SLC27A6: variants seen among roughly 807,000 people sequenced by gnomAD.
SLC27A6 encodes the protein long-chain fatty acid transport protein 6.
In SLC27A6, 74 loss-of-function variants were observed where a neutral mutation model predicts 63.9. That is an observed-to-expected ratio of 1.16 (90% CI 0.96 to 1.40). The LOEUF is 1.40. SLC27A6 is among the 40% of genes most tolerant of loss of function. The probability of loss-of-function intolerance (pLI) is 0.00; values close to 1 mark genes in which losing one functional copy is unlikely to be tolerated. For synonymous variants in SLC27A6, 287 were observed against 260.8 expected, an observed-to-expected ratio of 1.10 and a Z score of -0.97; for missense variants, 794 against 732.9, an observed-to-expected ratio of 1.08 and a Z score of -0.96.
chr5:129,005,977 T>C (rs1169120766), intron 4 of SLC27A6, among the ~76,000 whole-genome samples: 1 of 151,668 alleles, frequency 6.6e-6, no homozygotes, highest in African/African-American at 2.4e-5. Flanking sequence ...ATTGGGCCCC[T>C]GCAGGCTGTA....
intron 5 of SLC27A6, among the ~76,000 whole-genome samples, chr5:129,016,487 CTT>C (rs1313809690): frequency 5.0e-5 from 7 of 139,294 alleles, no homozygotes; most frequent in Admixed American, 7.3e-5. Context: ...ATATTATCAC[CTT>C]TTTTTTTTTT....
intron 4 of SLC27A6, among the ~76,000 whole-genome samples, chr5:129,004,512 G>T (rs1195353524): frequency 6.6e-6 from 1 of 152,058 alleles, no homozygotes; most frequent in Non-Finnish European, 1.5e-5. Context: ...GAGTGTGTAG[G>T]TAGGTTTTTG....
At chr5:128,981,595 T>C (rs1410248215) in intron 1 of SLC27A6, among the ~76,000 whole-genome samples, 1 of 152,096 alleles carries the variant, frequency 6.6e-6, no homozygotes. Context: ...CCTAATGGCA[T>C]GCGGCCAGGT....
chr5:128,987,298 C>T (rs1233320988), intron 2 of SLC27A6, among the ~76,000 whole-genome samples: 2 of 151,962 alleles, frequency 1.3e-5, no homozygotes, highest in Admixed American at 6.6e-5. Flanking sequence ...TGATGGATTC[C>T]CCCAACAGAA....
chr5:129,015,694 ATTATTCTTG>A (rs1561629046), intron 4 of SLC27A6, among the ~76,000 whole-genome samples, 182 bp from the exon 5 acceptor site: 2 of 152,202 alleles, frequency 1.3e-5, no homozygotes, highest in African/African-American at 4.8e-5. Flanking sequence ...CACAAACTGT[ATTATTCTTG>A]ACCAGTGTTA....
rs778645422 is a variant in SLC27A6 at position 129,023,684 on chromosome 5, A to C, written c.1229A>C (p.Gln410Pro). 7 of 1,610,276 alleles carry C rather than the reference A, an allele frequency of 4.3e-6. No homozygotes were observed. Among genetic ancestry groups the C allele is most frequent in the Non-Finnish European group, 5.9e-6 (7 of 1,178,150 alleles). The change falls in exon 6 of 10, where the codon CAG becomes CCG. Residue 410 changes from glutamine (Q) to proline (P), a missense_variant. Gln to Pro is a moderately conservative substitution (Grantham distance 76). Coordinates refer to ENST00000262462, the MANE Select transcript of SLC27A6 (RefSeq NM_001017372.3). ...FQKDEPMRNEQGWCIHVKKGE... is the reference protein window; with the variant it reads ...FQKDEPMRNEPGWCIHVKKGE... ...AAAGATGAACCCATGAGAAATGAGC[A>C]GGGTTGGTGTATTCATGTGAAAAAA...
chr5:129,023,775 C>G, intron 6 of SLC27A6, 65 bp downstream of exon 6: 1 of 1,133,300 alleles, frequency 8.8e-7, no homozygotes, highest in Non-Finnish European at 1.3e-6. Flanking sequence ...ACAGACATCC[C>G]TTGGTATCCT....
At chr5:128,972,174 TTC>T (rs1393103442) in intron 1 of SLC27A6, among the ~76,000 whole-genome samples, 1 of 152,186 alleles carries the variant, frequency 6.6e-6, no homozygotes, top group African/African-American at 2.4e-5. Flanking sequence ...AACCCGACCT[TTC>T]TCTCTGGCTG....
At chr5:129,023,792 A>T (rs899401219) in intron 6 of SLC27A6, 82 bp downstream of exon 6, 1 of 1,022,766 alleles carries the variant, frequency 9.8e-7, no homozygotes, top group East Asian at 2.4e-5. Context: ...TCCTTGGGGG[A>T]TTGGTTCCAG....
Position 129,017,132 on chromosome 5 carries a change from A to G in SLC27A6, c.1164+1053A>G, listed in dbSNP as rs560370148. 9.3e-4 allele frequency among the ~76,000 whole-genome samples: 142 copies of G among 152,278 alleles called. 1 individual carries two copies. Among genetic ancestry groups the G allele is most frequent in the African/African-American group, 3.3e-3 (137 of 41,568 alleles). ...CATATGAAAGACCCTGCATCTAACTACTGCTGTATATCTATTTTATTCAAG... is the reference window on the plus strand; with the variant it reads ...CATATGAAAGACCCTGCATCTAACTGCTGCTGTATATCTATTTTATTCAAG... On this transcript the variant is annotated intron_variant, in intron 5 of 9. Transcript: ENST00000262462.
chr5:128,980,357 G>A (rs2150131630), intron 1 of SLC27A6, among the ~76,000 whole-genome samples: 1 of 152,330 alleles, frequency 6.6e-6, no homozygotes, highest in South Asian at 2.1e-4. Context: ...GGGAGACTCA[G>A]AGAAATGAAG....
chr5:128,991,554 T>A (rs575987250), intron 4 of SLC27A6, among the ~76,000 whole-genome samples: 1 of 152,338 alleles, frequency 6.6e-6, no homozygotes, highest in South Asian at 2.1e-4. Flanking sequence ...GAAATTAGAT[T>A]CATGCTATGT....
intron 1 of SLC27A6, among the ~76,000 whole-genome samples, chr5:128,984,925 G>A (rs528619546): frequency 1.8e-4 from 28 of 152,266 alleles, no homozygotes; most frequent in African/African-American, 6.7e-4. Flanking sequence ...TGCTTGCATT[G>A]GTCTGTCAGG....
rs367576166 is a variant in SLC27A6 at position 128,996,643 on chromosome 5, A to G, written c.969+6179A>G. On this transcript the variant is annotated intron_variant, in intron 4 of 9. Coordinates refer to ENST00000262462, the MANE Select transcript of SLC27A6 (RefSeq NM_001017372.3). ...TGACAAGATGAAAATTTTGGAACAC[A>G]AGAAGTGATTTATGGCAGTGTGAGA... is the stretch of plus-strand genomic sequence containing the variant. Among the ~76,000 whole-genome samples, 11 of 152,224 alleles carry G rather than the reference A, an allele frequency of 7.2e-5. No individual in the cohort carries two copies. In the East Asian group the frequency reaches 2.1e-3, roughly 29 times the overall value.
intron 4 of SLC27A6, among the ~76,000 whole-genome samples, chr5:129,005,686 C>A (rs1438443832): frequency 2.1e-5 from 3 of 140,908 alleles, no homozygotes; most frequent in Non-Finnish European, 4.5e-5. Context: ...GATCTCGGCT[C>A]ACTGCAAGCT....
intron 5 of SLC27A6, among the ~76,000 whole-genome samples, chr5:129,019,682 G>A (rs1173924617): frequency 1.3e-5 from 2 of 151,610 alleles, no homozygotes; most frequent in Admixed American, 1.3e-4. Flanking sequence ...AAAAATAGAG[G>A]AAAAAATGTA....
intron 4 of SLC27A6, among the ~76,000 whole-genome samples, chr5:129,014,343 T>G (rs1031209903): frequency 2.6e-5 from 4 of 152,202 alleles, no homozygotes; most frequent in Non-Finnish European, 5.9e-5. Context: ...AACAAAGTTA[T>G]GTAAGCTGTT....
chr5:129,010,197 T>G (rs957756270), intron 4 of SLC27A6, among the ~76,000 whole-genome samples: 2 of 152,160 alleles, frequency 1.3e-5, no homozygotes, highest in African/African-American at 4.8e-5. Context: ...CTTCTTTGAC[T>G]CAGTCAGCAC....
intron 1 of SLC27A6, among the ~76,000 whole-genome samples, chr5:128,982,779 A>ATG (rs918952051): frequency 1.3e-5 from 2 of 152,154 alleles, no homozygotes; most frequent in Non-Finnish European, 2.9e-5. Context: ...CAGCAGCATG[A>ATG]TGTGTGTGTG....
Sources: allele counts gnomAD v4.1 joint callset (sites outside exome capture counted in the v4.1 genomes callset), GRCh38; gene constraint gnomAD v4.1.1; transcripts MANE v1.5; gene names NCBI Gene and HGNC (gene_info 2026-07-23, HGNC 2026-07-21).